GTF2E2: variants seen among roughly 807,000 people sequenced by gnomAD.
The protein encoded by GTF2E2 is transcription initiation factor IIE subunit beta.
In GTF2E2, 21 loss-of-function variants were observed where a neutral mutation model predicts 40.5. The observed-to-expected ratio is 0.52, with a 90% CI of 0.37 to 0.75. The LOEUF (loss-of-function observed/expected upper bound fraction) is 0.75, where lower values mean the gene tolerates loss of function less well. Ranked by LOEUF, GTF2E2 falls within the 30% of genes least tolerant of loss-of-function variation. The pLI is 0.00. For synonymous variants in GTF2E2, 117 were observed against 121.6 expected (o/e 0.96, Z 0.25); for missense variants, 298 against 338.4 (o/e 0.88, Z 0.94).
At chr8:30,656,809 G>GAAAAAAAAAA (rs370990168) in intron 1 of GTF2E2, 1 of 110,206 alleles carries the variant, frequency 9.1e-6, no homozygotes, top group Non-Finnish European at 1.7e-5. Flanking sequence ...CTCCGTCTCA[G>GAAAAAAAAAA]AAAAAAAAAA....
chr8:30,612,223 T>C, intron 5 of GTF2E2, 76 bp downstream of exon 5: 1 of 929,794 alleles, frequency 1.1e-6, no homozygotes, highest in East Asian at 2.5e-5. Flanking sequence ...AATTGTAAAA[T>C]GTTTGATATT....
At chr8:30,602,466 G>A (rs1829209338) in intron 6 of GTF2E2, among the ~76,000 whole-genome samples, 1 of 152,082 alleles carries the variant, frequency 6.6e-6, no homozygotes, top group African/African-American at 2.4e-5. Context: ...TTTCACAAAA[G>A]CAAAGATGAC....
intron 3 of GTF2E2, among the ~76,000 whole-genome samples, chr8:30,624,539 T>C (rs1266488743): frequency 3.9e-5 from 6 of 152,130 alleles, no homozygotes; most frequent in Non-Finnish European, 8.8e-5. Context: ...TTTTTTCCAA[T>C]TCTGTGAAGA....
intron 6 of GTF2E2, among the ~76,000 whole-genome samples, chr8:30,589,805 T>G (rs1828790224): frequency 6.6e-6 from 1 of 152,152 alleles, no homozygotes; most frequent in Non-Finnish European, 1.5e-5. Context: ...AAATCTACAC[T>G]GAGCAATTGC....
intron 6 of GTF2E2, among the ~76,000 whole-genome samples, chr8:30,588,455 A>G (rs1038388650): frequency 5.9e-5 from 9 of 152,230 alleles, no homozygotes; most frequent in African/African-American, 2.2e-4. Flanking sequence ...GTTAAATGAA[A>G]TAAGCCAGGC....
rs977024524 is a variant in GTF2E2 at position 30,579,151 on chromosome 8, T to C, written c.760-114A>G. On this transcript the variant is annotated intron_variant, in intron 7 of 7. Coordinates refer to ENST00000355904, the MANE Select transcript of GTF2E2 (RefSeq NM_002095.6). Reference sequence around the variant, plus strand: ...GGCTGAGGATGCCAGGTTCGGACCCTTCTCCTGCTCTGCCACCCAGCAGCA... The same window carrying C: ...GGCTGAGGATGCCAGGTTCGGACCCCTCTCCTGCTCTGCCACCCAGCAGCA... 8.6e-6 allele frequency: 6 copies of C among 699,860 alleles called. No individual in the cohort carries two copies. In the African/African-American group the frequency reaches 8.8e-5, roughly 10 times the overall value. 43.4% of individuals were successfully genotyped at this position (699,860 alleles called of 1,614,324 possible). A position where few individuals can be genotyped will look rare whatever the true frequency, so the allele number is the denominator to read the frequency against.
At chr8:30,601,432 T>C (rs1035875639) in intron 6 of GTF2E2, among the ~76,000 whole-genome samples, 1 of 152,198 alleles carries the variant, frequency 6.6e-6, no homozygotes, top group Admixed American at 6.5e-5. Context: ...CATTTGATAA[T>C]GTCTAAAGAA....
intron 3 of GTF2E2, among the ~76,000 whole-genome samples, chr8:30,628,886 G>A (rs1360207197): frequency 6.6e-6 from 1 of 150,530 alleles, no homozygotes; most frequent in Non-Finnish European, 1.5e-5. Flanking sequence ...AGCTGAGACA[G>A]TGCCACTGCA....
At chr8:30,623,629 C>T (rs1434078467) in intron 3 of GTF2E2, among the ~76,000 whole-genome samples, 1 of 151,986 alleles carries the variant, frequency 6.6e-6, no homozygotes, top group Non-Finnish European at 1.5e-5. Context: ...TACAGTCCCA[C>T]CAACAGTGTA....
At chr8:30,588,671 A>T (rs1828752188) in intron 6 of GTF2E2, among the ~76,000 whole-genome samples, 2 of 152,178 alleles carry the variant, frequency 1.3e-5, no homozygotes, top group African/African-American at 4.8e-5. Context: ...GGTCCTTATA[A>T]AGGAAAGAGG....
At chr8:30,593,135 G>A (rs1436792851) in intron 6 of GTF2E2, among the ~76,000 whole-genome samples, 1 of 152,158 alleles carries the variant, frequency 6.6e-6, no homozygotes, top group Non-Finnish European at 1.5e-5. Flanking sequence ...AGGTTGCAGT[G>A]AGCTGAGATC....
At chr8:30,623,485 T>G (rs1192358147) in intron 3 of GTF2E2, among the ~76,000 whole-genome samples, 2 of 152,160 alleles carry the variant, frequency 1.3e-5, no homozygotes, top group Non-Finnish European at 2.9e-5. Context: ...TATGCGTGCA[T>G]GTCTCTTTAC....
chr8:30,581,583 G>T (rs1353721075), intron 6 of GTF2E2, among the ~76,000 whole-genome samples: 2 of 152,148 alleles, frequency 1.3e-5, no homozygotes, highest in Non-Finnish European at 2.9e-5. Context: ...CTACTACAAA[G>T]AATTCAACCT....
In GTF2E2 at chr8:30,580,372, A is replaced by T; in HGVS notation, c.668T>A (p.Val223Asp). 1 of 1,583,176 alleles carries T rather than the reference A, an allele frequency of 6.3e-7. No homozygotes were observed. ...DEEFQKLWRS[V>D]TVDSMDEEKI... is the part of the protein sequence containing the mutation. ...CTCCTCGTCCATGGAATCTACAGTG[A>T]CACTCCTCCACAGTTTCTGAAATTC... The change falls in exon 7 of 8, where the codon GTC (valine) becomes GAC (aspartate). Residue 223 changes from valine (V) to aspartate (D), a missense_variant. Physicochemically the swap from Val to Asp is radical, Grantham distance 152. Transcript: ENST00000355904.
chr8:30,642,645 T>TAC (rs35045641), intron 2 of GTF2E2, among the ~76,000 whole-genome samples: 60,104 of 151,944 alleles, frequency 0.4, 12,227 homozygotes, highest in South Asian at 0.55. Context: ...TCTCTGCAGA[T>TAC]ACAAGCAAAT....
At chr8:30,653,740 C>T (rs1586014264) in intron 1 of GTF2E2, 138 bp from the exon 2 acceptor site, 1 of 628,986 alleles carries the variant, frequency 1.6e-6, no homozygotes, top group South Asian at 2.0e-5. Context: ...CATTTATTCA[C>T]TTATTCAAGT....
intron 1 of GTF2E2, chr8:30,656,850 CA>C (rs1802465766): frequency 6.8e-6 from 1 of 146,654 alleles, no homozygotes; most frequent in Non-Finnish European, 1.5e-5. Context: ...GTACAGTTTA[CA>C]ACAAACTAAA....
intron 1 of GTF2E2, among the ~76,000 whole-genome samples, chr8:30,656,248 A>AT (rs1802445125): frequency 6.6e-6 from 1 of 152,192 alleles, no homozygotes; most frequent in Non-Finnish European, 1.5e-5. Flanking sequence ...TGTGTATGTT[A>AT]TTTTTTAAAC....
At position 30,578,690 on chromosome 8, in the gene GTF2E2, C is replaced by T. The variant is rs931193434; in HGVS notation, c.*231G>A. 1.5e-5 allele frequency: 6 copies of T among 411,052 alleles called. No homozygotes were observed. Among genetic ancestry groups the T allele is most frequent in the African/African-American group, 8.1e-5 (4 of 49,616 alleles). 25.5% of individuals were successfully genotyped at this position (411,052 alleles called of 1,614,324 possible). A position where few individuals can be genotyped will look rare whatever the true frequency, so the allele number is the denominator to read the frequency against. ...AAAGACACCTGCATGCCACGCTCAG[C>T]GCCTTTCTCCCAGGGAGTAACAGAA... On this transcript the variant is annotated 3_prime_UTR_variant, in exon 8 of 8. Transcript: ENST00000355904.
Sources: allele counts gnomAD v4.1 joint callset (sites outside exome capture counted in the v4.1 genomes callset), GRCh38; gene constraint gnomAD v4.1.1; transcripts MANE v1.5; gene names NCBI Gene and HGNC (gene_info 2026-07-23, HGNC 2026-07-21).